PARD3B: variants seen among roughly 807,000 people sequenced by gnomAD.
PARD3B encodes partitioning defective 3 homolog B.
Under a neutral mutation model 130.2 loss-of-function variants are expected in PARD3B, and 103 were observed. That is an observed-to-expected ratio of 0.79 (90% CI 0.67 to 0.93). The LOEUF is 0.93. Among genes scored for constraint, PARD3B ranks in the 40% least tolerant of loss-of-function variants. The pLI is 0.00. For missense variants in PARD3B, 1,609 were observed against 1,499.2 expected (o/e 1.07, Z -1.21); for synonymous variants, 583 against 553.2 (o/e 1.05, Z -0.76).
intron 20 of PARD3B, among the ~76,000 whole-genome samples, chr2:205,490,306 T>C (rs2049646486): frequency 6.6e-6 from 1 of 151,698 alleles, no homozygotes. Context: ...ATGTTCCCCT[T>C]CCTGTGTCCA....
chr2:205,150,693 A>C (rs1467514690), intron 10 of PARD3B, among the ~76,000 whole-genome samples: 1 of 152,204 alleles, frequency 6.6e-6, no homozygotes, highest in Admixed American at 6.5e-5. Flanking sequence ...TAAATGGCAT[A>C]GTGTCTTACT....
intron 22 of PARD3B, among the ~76,000 whole-genome samples, chr2:205,569,702 C>G (rs2053492945): frequency 6.6e-6 from 1 of 152,152 alleles, no homozygotes. Flanking sequence ...ATATTATGCC[C>G]TATGTCAGGA....
chr2:204,757,750 G>A (rs2040740894), intron 2 of PARD3B, among the ~76,000 whole-genome samples: 2 of 152,100 alleles, frequency 1.3e-5, no homozygotes, highest in South Asian at 4.2e-4. Flanking sequence ...CAAAAGATTG[G>A]TGACTGTATG....
Position 205,263,389 on chromosome 2 carries a change from C to T in PARD3B, c.2185+17567C>T, listed in dbSNP as rs2040390622. Reference sequence around the variant, plus strand: ...TAACAGTGCAAACAGGAACTATTTACTGAAAGTCCTTACTAAGGAGTTTCC... The same window carrying T: ...TAACAGTGCAAACAGGAACTATTTATTGAAAGTCCTTACTAAGGAGTTTCC... On this transcript the variant is annotated intron_variant, in intron 16 of 22. Transcript: ENST00000406610. The surrounding 1 kb of genome is among the most constrained non-coding windows in gnomAD (Gnocchi z 4.0). Among the ~76,000 whole-genome samples the T allele has an allele frequency of 7.0e-6, 1 of 142,046 alleles. No homozygotes were observed. Among genetic ancestry groups the T allele is most frequent in the Admixed American group, 7.0e-5 (1 of 14,372 alleles). 93.2% of individuals were successfully genotyped at this position (142,046 alleles called of 152,430 possible).
chr2:205,037,947 T>G (rs1477736090), intron 3 of PARD3B, among the ~76,000 whole-genome samples: 1 of 152,150 alleles, frequency 6.6e-6, no homozygotes, highest in East Asian at 1.9e-4. Flanking sequence ...GAAATTACAT[T>G]TATTTCCCCA....
chr2:204,998,416 G>GTA (rs1476799132), intron 3 of PARD3B, among the ~76,000 whole-genome samples: 1 of 25,288 alleles, frequency 4.0e-5, no homozygotes, highest in East Asian at 9.2e-4. Flanking sequence ...GTATATATAT[G>GTA]TATATATGTG....
At chr2:205,601,277 T>C (rs1482417767) in intron 22 of PARD3B, among the ~76,000 whole-genome samples, 3 of 152,230 alleles carry the variant, frequency 2.0e-5, no homozygotes, top group East Asian at 3.9e-4. Flanking sequence ...TTTTCTCATA[T>C]GTTTATTGAC....
At chr2:205,061,693 C>G (rs1249306367) in intron 4 of PARD3B, among the ~76,000 whole-genome samples, 1 of 151,734 alleles carries the variant, frequency 6.6e-6, no homozygotes. Context: ...ACAGAAGGCA[C>G]TTAGCACACA....
Position 204,714,898 on chromosome 2 carries a change from A to G in PARD3B, c.222+28616A>G, listed in dbSNP as rs181551139. Among the ~76,000 whole-genome samples the G allele has an allele frequency of 5.9e-5, 9 of 152,318 alleles. No homozygotes were observed. In the East Asian group the frequency reaches 1.5e-3, roughly 26 times the overall value. On this transcript the variant is annotated intron_variant, in intron 2 of 22. Coordinates refer to ENST00000406610, the MANE Select transcript of PARD3B (RefSeq NM_001302769.2). The stretch of plus-strand genomic sequence containing the variant: ...TGCTATAATTTTCATTTTAAGCTAT[A>G]CAACAGAAATGATATTACATTTAAT...
intron 1 of PARD3B, among the ~76,000 whole-genome samples, chr2:204,684,652 C>T (rs563588178): frequency 3.3e-5 from 5 of 152,266 alleles, no homozygotes; most frequent in East Asian, 1.9e-4. Context: ...ACAATTACTT[C>T]GGGTTGGCAA....
At chr2:204,702,051 A>T (rs909435998) in intron 2 of PARD3B, among the ~76,000 whole-genome samples, 1 of 152,128 alleles carries the variant, frequency 6.6e-6, no homozygotes, top group African/African-American at 2.4e-5. Flanking sequence ...AGCTGCATTC[A>T]TGTTGCTGCG....
chr2:204,793,497 T>G (rs919071161), intron 2 of PARD3B, among the ~76,000 whole-genome samples: 1 of 152,118 alleles, frequency 6.6e-6, no homozygotes, highest in Non-Finnish European at 1.5e-5. Context: ...TCACTTATCA[T>G]TGACCTTTTT....
chr2:204,642,266 T>C (rs1274685367), intron 1 of PARD3B, among the ~76,000 whole-genome samples: 1 of 152,186 alleles, frequency 6.6e-6, no homozygotes, highest in Non-Finnish European at 1.5e-5. Context: ...ACTGAAGCCA[T>C]TGGGCCAAAT....
At chr2:205,348,921 T>C (rs1226288331) in intron 18 of PARD3B, among the ~76,000 whole-genome samples, 2 of 152,316 alleles carry the variant, frequency 1.3e-5, no homozygotes, top group African/African-American at 2.4e-5. Context: ...ACTTGAATTT[T>C]GAGAAATCAA....
rs539245325 is a variant in PARD3B at position 205,428,875 on chromosome 2, C to T, written c.2742-11495C>T. On this transcript the variant is annotated intron_variant, in intron 19 of 22. Transcript: ENST00000406610. ...AATAATAACCCAGTGGCAGTGAGCACGCCTAGGGCCCAGATTGTGGTCTCT... is the reference window on the plus strand; with the variant it reads ...AATAATAACCCAGTGGCAGTGAGCATGCCTAGGGCCCAGATTGTGGTCTCT... 1.1e-4 allele frequency among the ~76,000 whole-genome samples: 16 copies of T among 152,146 alleles called. No homozygotes were observed. In the East Asian group the frequency reaches 1.2e-3, roughly 11 times the overall value.
Position 205,149,947 on chromosome 2 carries a change from A to G in PARD3B, c.1435-8775A>G, listed in dbSNP as rs982240970. The stretch of plus-strand genomic sequence containing the variant: ...ATATCAGGCACTGCATTGGACAGAC[A>G]CCCACAACAAAAAATTATCAGGCTT... On this transcript the variant is annotated intron_variant, in intron 10 of 22. Coordinates refer to ENST00000406610, the MANE Select transcript of PARD3B (RefSeq NM_001302769.2). 2.6e-5 allele frequency among the ~76,000 whole-genome samples: 4 copies of G among 152,262 alleles called. No homozygotes were observed. The East Asian group carries it at 7.8e-4, about 30-fold the overall frequency.
At chr2:204,727,699 G>A (rs2039298747) in intron 2 of PARD3B, among the ~76,000 whole-genome samples, 1 of 152,144 alleles carries the variant, frequency 6.6e-6, no homozygotes, top group Non-Finnish European at 1.5e-5. Context: ...TTAATAAGCT[G>A]TAGCAGGGGT....
rs1404952568 is a variant in PARD3B at position 205,562,128 on chromosome 2, G to A, written c.3260+8725G>A. ...TCACTTTAAGATGCCAAACAGCTGA[G>A]ATCAGGGGGTTAATGCTACTGCCAC... On this transcript the variant is annotated intron_variant, in intron 22 of 22. Transcript: ENST00000406610. This position sits in a 1 kb window ranked among gnomAD's most constrained non-coding sequence, Gnocchi z 5.4. Among the ~76,000 whole-genome samples, 1 of 152,206 alleles carries A rather than the reference G, an allele frequency of 6.6e-6. No homozygotes were observed. Among genetic ancestry groups the A allele is most frequent in the African/African-American group, 2.4e-5 (1 of 41,464 alleles).
At position 205,176,500 on chromosome 2, in the gene PARD3B, C is replaced by T. The variant is rs745670076; in HGVS notation, c.1847C>T (p.Ala616Val). 3 of 1,612,550 alleles carry T rather than the reference C, an allele frequency of 1.9e-6. No homozygotes were observed. The highest frequency in any genetic ancestry group is 2.2e-5 in the East Asian group (1 of 44,832). The stretch of plus-strand genomic sequence containing the variant: ...CCATGCTTTGAGAACTGTCAAAATG[C>T]TGTAACCACCTCTAGGCGAAATGAT... ...SKPCFENCQN[A>V]VTTSRRNDNS... The change falls in exon 13 of 23, where the codon GCT becomes GTT. Residue 616 changes from alanine to valine, a missense_variant. Physicochemically the swap from Ala to Val is moderately conservative, Grantham distance 64. Transcript: ENST00000406610. This position sits in a 1 kb window ranked among gnomAD's most constrained non-coding sequence, Gnocchi z 5.3.
Sources: gnomAD v4.1 joint callset for allele counts (sites outside exome capture counted in the v4.1 genomes callset) on GRCh38, gnomAD v4.1.1 for gene constraint, Gnocchi (gnomAD v3.1) non-coding constraint, MANE v1.5 for transcripts, NCBI Gene and HGNC (gene_info 2026-07-23, HGNC 2026-07-21) for gene names.